Variants in ARHGAP24 observed in about 807,000 individuals in gnomAD.
ARHGAP24 encodes rho GTPase-activating protein 24.
ARHGAP24 carries 50 observed loss-of-function variants against 76.4 expected under a neutral mutation model. The ratio of observed to expected loss-of-function variants is 0.65; its 90% confidence interval spans 0.52 to 0.83. ARHGAP24 has a LOEUF of 0.83. Ranked by LOEUF, ARHGAP24 falls within the 40% of genes least tolerant of loss-of-function variation. ARHGAP24 has a pLI of 0.00. For synonymous variants in ARHGAP24, 345 were observed against 323.3 expected (o/e 1.07, Z -0.72); for missense variants, 930 against 914.2 (o/e 1.02, Z -0.22).
chr4:85,626,355 T>C (rs941880183), intron 2 of ARHGAP24, among the ~76,000 whole-genome samples: 5 of 152,336 alleles, frequency 3.3e-5, no homozygotes, highest in Non-Finnish European at 7.4e-5. Context: ...GATATGAAAT[T>C]CTGGGTTGAA....
At chr4:85,606,500 G>C (rs1169165124) in intron 2 of ARHGAP24, among the ~76,000 whole-genome samples, 1 of 127,628 alleles carries the variant, frequency 7.8e-6, no homozygotes, top group Non-Finnish European at 1.6e-5. Flanking sequence ...GCGACAGAGC[G>C]AGACTCCATT....
chr4:85,852,232 A>G (rs1257451577), intron 3 of ARHGAP24, among the ~76,000 whole-genome samples: 2 of 151,984 alleles, frequency 1.3e-5, no homozygotes, highest in Non-Finnish European at 2.9e-5. Flanking sequence ...TCTTCCATTG[A>G]TCGAATCAGC....
chr4:85,939,462 C>T (rs1736830877), intron 4 of ARHGAP24, among the ~76,000 whole-genome samples: 1 of 152,054 alleles, frequency 6.6e-6, no homozygotes, highest in African/African-American at 2.4e-5. Flanking sequence ...CTCTGAGCCC[C>T]AATTTTCCAT....
chr4:85,581,903 C>T (rs374598869), intron 2 of ARHGAP24, among the ~76,000 whole-genome samples: 6 of 152,042 alleles, frequency 3.9e-5, no homozygotes, highest in East Asian at 3.9e-4. Flanking sequence ...TAATGAGTTG[C>T]GTTACCTTGT....
At chr4:85,503,736 A>T (rs1164512770) in intron 1 of ARHGAP24, among the ~76,000 whole-genome samples, 2 of 152,016 alleles carry the variant, frequency 1.3e-5, no homozygotes, top group Non-Finnish European at 2.9e-5. Context: ...CTCTGATCTT[A>T]GTTATTTCTT....
At chr4:85,663,775 C>T (rs62315282) in intron 2 of ARHGAP24, among the ~76,000 whole-genome samples, 1 of 146,838 alleles carries the variant, frequency 6.8e-6, no homozygotes, top group East Asian at 2.0e-4. Flanking sequence ...TATTGAGATA[C>T]TCATGTGGTT....
intron 2 of ARHGAP24, among the ~76,000 whole-genome samples, chr4:85,594,786 T>C (rs1262519362): frequency 6.6e-6 from 1 of 152,102 alleles, no homozygotes; most frequent in Non-Finnish European, 1.5e-5. Context: ...ACCAATGTCT[T>C]TAAATTTAAA....
At chr4:85,701,604 G>A (rs762346269) in intron 2 of ARHGAP24, among the ~76,000 whole-genome samples, 4 of 151,912 alleles carry the variant, frequency 2.6e-5, no homozygotes, top group Admixed American at 6.6e-5. Context: ...AAGAATTTGG[G>A]ACAGCTGTCA....
chr4:85,553,804 C>G (rs969083623), intron 1 of ARHGAP24, among the ~76,000 whole-genome samples: 1 of 152,092 alleles, frequency 6.6e-6, no homozygotes, highest in African/African-American at 2.4e-5. Flanking sequence ...TGCCATTGAG[C>G]CCATTTACAT....
chr4:85,666,313 C>T (rs926152026), intron 2 of ARHGAP24, among the ~76,000 whole-genome samples: 1 of 152,164 alleles, frequency 6.6e-6, no homozygotes. Context: ...CGCATCGGCT[C>T]CTGAGGCTTC....
At chr4:85,564,775 G>C (rs1726758411) in intron 1 of ARHGAP24, among the ~76,000 whole-genome samples, 1 of 150,744 alleles carries the variant, frequency 6.6e-6, no homozygotes, top group South Asian at 2.1e-4. Context: ...TGCCACTGCT[G>C]ATCTGACAGG....
At chr4:85,953,252 A>G (rs1267831416) in intron 5 of ARHGAP24, among the ~76,000 whole-genome samples, 1 of 152,164 alleles carries the variant, frequency 6.6e-6, no homozygotes, top group Non-Finnish European at 1.5e-5. Flanking sequence ...CCACATACTC[A>G]GTTCACACTT....
In ARHGAP24 at chr4:85,521,950, G is replaced by C. The variant is rs183882073; in HGVS notation, c.-21+46391G>C. On this transcript the variant is annotated intron_variant, in intron 1 of 9. Transcript: ENST00000395184. ...GAAAAGCTAAAGATCAAATTATTAA[G>C]ATCTCATTCTTTAAATTATTAAAAT... Among the ~76,000 whole-genome samples the C allele has an allele frequency of 2.6e-3, 394 of 152,210 alleles. 2 individuals carry two copies. The highest frequency in any genetic ancestry group is 8.9e-3 in the African/African-American group (368 of 41,556).
intron 3 of ARHGAP24, among the ~76,000 whole-genome samples, chr4:85,723,053 G>A (rs1725015597): frequency 6.6e-6 from 1 of 152,158 alleles, no homozygotes; most frequent in Non-Finnish European, 1.5e-5. Flanking sequence ...CCTCCAGGGA[G>A]AACATATTTT....
intron 1 of ARHGAP24, among the ~76,000 whole-genome samples, chr4:85,560,825 T>G (rs1411519409): frequency 6.6e-6 from 1 of 152,200 alleles, no homozygotes; most frequent in Non-Finnish European, 1.5e-5. Flanking sequence ...AGCCACTAAA[T>G]TTGGGTTAGG....
intron 3 of ARHGAP24, among the ~76,000 whole-genome samples, chr4:85,906,295 T>C (rs1187233888): frequency 5.9e-5 from 9 of 152,258 alleles, no homozygotes; most frequent in African/African-American, 2.2e-4. Context: ...AGGACACCCA[T>C]GTCATATGGC....
chr4:85,835,981 T>G (rs527836065), intron 3 of ARHGAP24, among the ~76,000 whole-genome samples: 8 of 152,254 alleles, frequency 5.3e-5, no homozygotes, highest in Non-Finnish European at 7.4e-5. Context: ...CAGATAGTGA[T>G]TTGTAGGTAA....
intron 5 of ARHGAP24, among the ~76,000 whole-genome samples, chr4:85,958,829 CCT>C (rs1398347350): frequency 3.3e-5 from 5 of 152,162 alleles, no homozygotes; most frequent in African/African-American, 1.2e-4. Flanking sequence ...ATCCTCAGCT[CCT>C]CTTCCTTCCC....
chr4:85,796,036 A>G (rs1474289447), intron 3 of ARHGAP24, among the ~76,000 whole-genome samples: 1 of 152,136 alleles, frequency 6.6e-6, no homozygotes, highest in Non-Finnish European at 1.5e-5. Context: ...TGGATGTGGG[A>G]AGGTATGCTG....
Sources: gnomAD v4.1 joint callset for allele counts (sites outside exome capture counted in the v4.1 genomes callset) on GRCh38, gnomAD v4.1.1 for gene constraint, MANE v1.5 for transcripts, NCBI Gene and HGNC (gene_info 2026-07-23, HGNC 2026-07-21) for gene names.